Variants in MXD4 observed in about 807,000 individuals in gnomAD.
MXD4 encodes Mad4 homolog.
A neutral mutation model predicts 24.5 loss-of-function variants in MXD4; 16 were observed. The ratio of observed to expected loss-of-function variants is 0.65; its 90% CI spans 0.44 to 0.99. The LOEUF (loss-of-function observed/expected upper bound fraction) is 0.99. Ranked by LOEUF, MXD4 falls within the 50% of genes least tolerant of loss-of-function variation. The pLI, the probability that MXD4 is intolerant of heterozygous loss-of-function variation, is 0.00. For missense variants in MXD4, 301 were observed against 301.5 expected, an observed-to-expected ratio of 1.00 and a Z score of 0.01; for synonymous variants, 164 against 134.2, an observed-to-expected ratio of 1.22 and a Z score of -1.54.
chr4:2,252,599 C>T (rs1735346861), intron 3 of MXD4, 77 bp from the exon 4 acceptor site: 10 of 910,404 alleles, frequency 1.1e-5, no homozygotes, highest in Non-Finnish European at 1.7e-5. Context: ...CTGCACAGAC[C>T]CACCCCCACC....
At position 2,252,427 on chromosome 4, in the gene MXD4, C is replaced by T. The variant is rs924100263; in HGVS notation, c.290G>A (p.Arg97Gln). 8 of 1,612,972 alleles carry T rather than the reference C, an allele frequency of 5.0e-6. No homozygotes were observed. The highest frequency in any genetic ancestry group is 5.9e-6 in the Non-Finnish European group (7 of 1,179,966). The part of the protein sequence containing the change: ...TRHTTLSLLK[R>Q]AKVHIKKLEE... ...ACTCACCTTGATGTGCACCTTGGCCCGCTTCAGGAGGCTCAGCGTGGTGTG... is the reference window on the plus strand; with the variant it reads ...ACTCACCTTGATGTGCACCTTGGCCTGCTTCAGGAGGCTCAGCGTGGTGTG... The change falls in exon 4 of 6, where the codon CGG becomes CAG. Residue 97 changes from arginine (R) to glutamine (Q), a missense_variant. Physicochemically the swap from Arg to Gln is conservative, Grantham distance 43. Coordinates refer to ENST00000337190, the MANE Select transcript of MXD4 (RefSeq NM_006454.3).
chr4:2,258,025 C>A lies in MXD4; in HGVS notation c.165-14G>T. ...TTGTGTGAAGACCTGTTTAGAAAGA[C>A]AGAAAGACAGAGCTCACTCTTCTGC... On this transcript the variant is annotated splice_polypyrimidine_tract_variant and intron_variant, in intron 2 of 5. Transcript: ENST00000337190. 1 of 1,613,542 alleles carries A rather than the reference C, an allele frequency of 6.2e-7. No individual in the cohort carries two copies. Among genetic ancestry groups the A allele is most frequent in the African/African-American group, 1.3e-5 (1 of 75,060 alleles).
At position 2,252,615 on chromosome 4, in the gene MXD4, C is replaced by T. The variant is rs1577818719; in HGVS notation, c.195-93G>A. 3 of 794,636 alleles carry T rather than the reference C, an allele frequency of 3.8e-6. No homozygotes were observed. In the East Asian group the frequency reaches 8.0e-5, roughly 21 times the overall value. The allele number at this position is 794,636 out of a possible 1,614,324, so 49.2% of individuals were successfully genotyped here. On this transcript the variant is annotated intron_variant, in intron 3 of 5. Transcript: ENST00000337190. ...TGCACAGACCCACCCCCACCATCCA[C>T]TGCTGCACATGTGCTGAGGGTCCCT... is the stretch of plus-strand genomic sequence containing the variant.
At chr4:2,258,118 T>C (rs940541081) in intron 2 of MXD4, 107 bp from the exon 3 acceptor site, 18 of 1,411,790 alleles carry the variant, frequency 1.3e-5, no homozygotes, top group Admixed American at 1.9e-5. Context: ...TGGCTGGCTG[T>C]GTCTGGGTCC....
rs546389788 is a variant in MXD4 at position 2,249,453 on chromosome 4, T to G, written c.*1091A>C. On this transcript the variant is annotated 3_prime_UTR_variant, in exon 6 of 6. Transcript: ENST00000337190. ...GCTTTCTTCTTTTTAAAAATGGTTTTTTTTTTTTTTCTGGGAAAGCCTCTC... is the reference window on the plus strand; with the variant it reads ...GCTTTCTTCTTTTTAAAAATGGTTTGTTTTTTTTTTCTGGGAAAGCCTCTC... 31 of 151,966 alleles carry G rather than the reference T, an allele frequency of 2.0e-4. No homozygotes were observed. The highest frequency in any genetic ancestry group is 6.2e-4 in the South Asian group (3 of 4,818). 9.4% of individuals were successfully genotyped at this position (151,966 alleles called of 1,614,324 possible).
In MXD4 at chr4:2,251,119, G is replaced by A. The variant is rs778366136; in HGVS notation, c.437C>T (p.Thr146Met). 28 of 1,590,928 alleles carry A rather than the reference G, an allele frequency of 1.8e-5. No homozygotes were observed. The highest frequency in any genetic ancestry group is 4.6e-5 in the East Asian group (2 of 43,906). ...QSVERVRTDS[T>M]GSAVSTDDSE... ...GTCGTCCGTGGAGACAGCAGAGCCC[G>A]TGCTATCTGTGCGCACGCGCTCCAC... The change falls in exon 5 of 6, where the codon ACG (threonine) becomes ATG (methionine). Residue 146 changes from threonine to methionine, a missense_variant. Coordinates refer to ENST00000337190, the MANE Select transcript of MXD4 (RefSeq NM_006454.3).
At chr4:2,250,977 G>A in intron 5 of MXD4, 107 bp downstream of exon 5, 1 of 1,359,694 alleles carries the variant, frequency 7.4e-7, no homozygotes, top group Non-Finnish European at 9.7e-7. Flanking sequence ...AGGGAGCTGG[G>A]AGGGTTCTCC....
chr4:2,259,452 G>A (rs1416074984), intron 2 of MXD4, among the ~76,000 whole-genome samples: 4 of 152,206 alleles, frequency 2.6e-5, no homozygotes, highest in African/African-American at 4.8e-5. Flanking sequence ...CTACGCCAGC[G>A]TTTCTGCTTC....
intron 3 of MXD4, chr4:2,253,607 G>C (rs949666429): frequency 6.6e-6 from 1 of 152,170 alleles, no homozygotes; most frequent in Non-Finnish European, 1.5e-5. Flanking sequence ...CTTTCCCCAC[G>C]TGGTGCCAAC....
chr4:2,261,281 A>G (rs539059720), intron 2 of MXD4, among the ~76,000 whole-genome samples: 1 of 152,052 alleles, frequency 6.6e-6, no homozygotes, highest in African/African-American at 2.4e-5. Flanking sequence ...GAGCCAGTCG[A>G]AAGGAGGCCG....
chr4:2,250,582 G>A lies in MXD4; in HGVS notation c.592C>T (p.Pro198Ser), dbSNP rs754624284. ...GGGCGGCCCAGCCGCCGGCAGTGGGGCCCGAAGCCACTGTCGCCGCCGGTG... is the reference window on the plus strand; with the variant it reads ...GGGCGGCCCAGCCGCCGGCAGTGGGACCCGAAGCCACTGTCGCCGCCGGTG... ...SGTGGDSGFG[P>S]HCRRLGRPAL... The change falls in exon 6 of 6, where the codon CCC becomes TCC. Residue 198 changes from proline (P) to serine (S), a missense_variant. Physicochemically the swap from Pro to Ser is moderately conservative, Grantham distance 74 (BLOSUM62 -1). Transcript: ENST00000337190. The A allele has an allele frequency of 1.2e-6, 2 of 1,607,988 alleles. No homozygotes were observed. Among genetic ancestry groups the A allele is most frequent in the African/African-American group, 2.7e-5 (2 of 74,804 alleles).
chr4:2,259,716 G>T (rs1053003292), intron 2 of MXD4, among the ~76,000 whole-genome samples: 1 of 152,180 alleles, frequency 6.6e-6, no homozygotes, highest in African/African-American at 2.4e-5. Flanking sequence ...GTCCATCGAG[G>T]GGGATGTTTG....
intron 2 of MXD4, among the ~76,000 whole-genome samples, chr4:2,260,788 C>A (rs1285069665): frequency 6.6e-6 from 1 of 152,234 alleles, no homozygotes; most frequent in Non-Finnish European, 1.5e-5. Context: ...TGCCCTGGGG[C>A]TCTGAAGCCC....
At chr4:2,260,093 G>A (rs1008568430) in intron 2 of MXD4, among the ~76,000 whole-genome samples, 4 of 152,218 alleles carry the variant, frequency 2.6e-5, no homozygotes, top group Admixed American at 1.3e-4. Flanking sequence ...CTGCCCACCC[G>A]AGGAAGGGGC....
At chr4:2,260,240 G>A (rs1381952273) in intron 2 of MXD4, among the ~76,000 whole-genome samples, 7 of 152,328 alleles carry the variant, frequency 4.6e-5, no homozygotes, top group African/African-American at 1.4e-4. Context: ...CCAGCAGAAT[G>A]TGGACAGCTG....
rs1735347515 is a variant in MXD4, at chr4:2,252,605, C to A, written c.195-83G>T. ...TCCAGGGCCCTGCACAGACCCACCC[C>A]CACCATCCACTGCTGCACATGTGCT... On this transcript the variant is annotated intron_variant, in intron 3 of 5. Coordinates refer to ENST00000337190, the MANE Select transcript of MXD4 (RefSeq NM_006454.3). The A allele has an allele frequency of 7.1e-6, 6 of 848,234 alleles. No individual in the cohort carries two copies. The East Asian group carries it at 1.6e-4, about 22-fold the overall frequency. 52.5% of individuals were successfully genotyped at this position (848,234 alleles called of 1,614,324 possible).
intron 3 of MXD4, chr4:2,255,387 A>G (rs1239979215): frequency 2.2e-6 from 1 of 456,260 alleles, no homozygotes. Flanking sequence ...ATCTGACCAC[A>G]CACACGCACT....
At chr4:2,261,397 C>A (rs1375435029) in intron 2 of MXD4, among the ~76,000 whole-genome samples, 1 of 152,200 alleles carries the variant, frequency 6.6e-6, no homozygotes, top group Non-Finnish European at 1.5e-5. Flanking sequence ...CCGCTGACAA[C>A]TTTTCTACCG....
intron 4 of MXD4, 152 bp from the exon 5 acceptor site, chr4:2,251,398 T>A: frequency 1.0e-6 from 1 of 989,088 alleles, no homozygotes; most frequent in Non-Finnish European, 1.4e-6. Context: ...GCCCAGTCTC[T>A]GCCAGCCCCA....
Sources: allele counts gnomAD v4.1 joint callset (sites outside exome capture counted in the v4.1 genomes callset), GRCh38; gene constraint gnomAD v4.1.1; transcripts MANE v1.5; gene names NCBI Gene and HGNC (gene_info 2026-07-23, HGNC 2026-07-21).